Variants in SHOC2 observed in about 807,000 individuals in gnomAD.
The protein encoded by SHOC2 is SHOC2 leucine rich repeat scaffold protein.
SHOC2 carries 4 observed loss-of-function variants against 50.2 expected under a neutral mutation model. The ratio of observed to expected loss-of-function variants is 0.08; its 90% CI spans 0.04 to 0.18. The LOEUF (loss-of-function observed/expected upper bound fraction) is 0.18. SHOC2 is among the 10% of genes least tolerant of loss of function. SHOC2 has a pLI of 1.00. For missense variants in SHOC2, 388 were observed against 669.6 expected (o/e 0.58, Z 4.64); for synonymous variants, 218 against 244.5 (o/e 0.89, Z 1.01).
chr10:110,939,305 A>G (rs1198745112), intron 1 of SHOC2, among the ~76,000 whole-genome samples: 1 of 151,972 alleles, frequency 6.6e-6, no homozygotes, highest in Non-Finnish European at 1.5e-5. Context: ...TGTAGCTCCT[A>G]TCTCTTGGGT....
chr10:111,004,065 G>A (rs1051180699), intron 4 of SHOC2, among the ~76,000 whole-genome samples: 34 of 152,018 alleles, frequency 2.2e-4, no homozygotes, highest in African/African-American at 7.0e-4. Flanking sequence ...ATAGAAAAGC[G>A]GTGTATTATA....
chr10:111,003,418 GT>G (rs2134172490), intron 4 of SHOC2, among the ~76,000 whole-genome samples: 1 of 152,152 alleles, frequency 6.6e-6, no homozygotes, highest in Non-Finnish European at 1.5e-5. Flanking sequence ...TATTTTTCCA[GT>G]TATTCCAGTT....
intron 2 of SHOC2, among the ~76,000 whole-genome samples, chr10:110,983,280 T>C (rs1006342740): frequency 6.6e-6 from 1 of 152,116 alleles, no homozygotes; most frequent in African/African-American, 2.4e-5. Flanking sequence ...CAAAAAACTA[T>C]CTTATATTTA....
rs148667046 is a variant in SHOC2, at chr10:110,954,420, A to T, written c.-234-9705A>T. Reference sequence around the variant, plus strand: ...TAAATGTTTATGTTAGCATCAAAATAAAGGGGTAGTATCAGCTAGCTTCTT... The same window carrying T: ...TAAATGTTTATGTTAGCATCAAAATTAAGGGGTAGTATCAGCTAGCTTCTT... On this transcript the variant is annotated intron_variant, in intron 1 of 8. Transcript: ENST00000369452. Among the ~76,000 whole-genome samples the T allele has an allele frequency of 5.1e-3, 776 of 152,278 alleles. 8 individuals carry two copies. Among genetic ancestry groups the T allele is most frequent in the African/African-American group, 0.018 (743 of 41,562 alleles).
intron 3 of SHOC2, among the ~76,000 whole-genome samples, chr10:110,986,392 A>G (rs796138269): frequency 7.9e-5 from 12 of 152,336 alleles, no homozygotes; most frequent in African/African-American, 2.6e-4. Flanking sequence ...TGGTATAAGG[A>G]TACTATAATG....
chr10:110,936,637 G>T (rs757767438), intron 1 of SHOC2: 19 of 716,904 alleles, frequency 2.7e-5, no homozygotes, highest in South Asian at 1.4e-4. Flanking sequence ...CCAGGAGTCC[G>T]TGGGTCTTGA....
chr10:110,919,696 C>T (rs1003969879), intron 1 of SHOC2, 39 bp downstream of exon 1: 33 of 397,770 alleles, frequency 8.3e-5, no homozygotes, highest in African/African-American at 1.0e-4. Context: ...GTCTGTTGGT[C>T]GGTTCTTCCT....
chr10:110,999,056 G>A (rs1848319045), intron 3 of SHOC2, among the ~76,000 whole-genome samples: 1 of 152,196 alleles, frequency 6.6e-6, no homozygotes, highest in Non-Finnish European at 1.5e-5. Flanking sequence ...GACATCAAGA[G>A]GTTGTGAAGG....
chr10:110,953,633 G>C (rs1436596974), intron 1 of SHOC2, among the ~76,000 whole-genome samples: 1 of 151,572 alleles, frequency 6.6e-6, no homozygotes, highest in Non-Finnish European at 1.5e-5. Flanking sequence ...CATCTCATTG[G>C]GTAATACCAA....
intron 1 of SHOC2, among the ~76,000 whole-genome samples, chr10:110,956,344 C>T (rs1355310013): frequency 6.6e-6 from 1 of 152,152 alleles, no homozygotes; most frequent in African/African-American, 2.4e-5. Flanking sequence ...TCCCAAGTAG[C>T]TGGGATTACA....
intron 1 of SHOC2, 93 bp downstream of exon 1, chr10:110,919,750 G>A: frequency 2.5e-6 from 1 of 396,380 alleles, no homozygotes; most frequent in South Asian, 1.3e-4. Flanking sequence ...GCTGTCGGTA[G>A]GGGGAGGCCC....
intron 8 of SHOC2, among the ~76,000 whole-genome samples, chr10:111,010,949 A>G (rs1206896637): frequency 2.0e-5 from 3 of 152,206 alleles, no homozygotes; most frequent in Non-Finnish European, 1.5e-5. Flanking sequence ...AAATTTAAAA[A>G]TTGGAAACAC....
intron 8 of SHOC2, among the ~76,000 whole-genome samples, 195 bp downstream of exon 8, chr10:111,010,025 T>C (rs151289253): frequency 6.6e-6 from 1 of 152,278 alleles, no homozygotes; most frequent in African/African-American, 2.4e-5. Flanking sequence ...GCTGTTAGGA[T>C]TGGTTTTAAA....
In SHOC2 at chr10:110,925,070, CAA is replaced by C. The variant is rs763203844; in HGVS notation, c.-235+5434_-235+5435del. 1.0e-3 allele frequency among the ~76,000 whole-genome samples: 85 copies of C among 82,472 alleles called. 1 individual carries two copies. In the South Asian group the frequency reaches 0.011, roughly 10 times the overall value. The allele number at this position is 82,472 out of a possible 152,430, so 54.1% of individuals were successfully genotyped here. ...TAGGCGACAGAGTGAGACTCTGTCT[CAA>C]AAAAAAAAAAAAAAAAAAAATTAAA... On this transcript the variant is annotated intron_variant, in intron 1 of 8. Coordinates refer to ENST00000369452, the MANE Select transcript of SHOC2 (RefSeq NM_007373.4).
In SHOC2 at chr10:111,009,715, A is replaced by G. The variant is rs1483409374; in HGVS notation, c.1425A>G (p.Lys475=). The change falls in exon 8 of 9, where the codon AAA becomes AAG. Residue 475 remains lysine, a splice_region_variant and synonymous_variant. Coordinates refer to ENST00000369452, the MANE Select transcript of SHOC2 (RefSeq NM_007373.4). ...NEIAYLKDLQ[K]LVLTNNQLTT... ...CTTTTATTTTGTAAATCTTTTAGAA[A>G]TTAGTCTTGACAAACAACCAGTTGA... is the stretch of plus-strand genomic sequence containing the variant. The G allele has an allele frequency of 1.1e-5, 17 of 1,575,806 alleles. No individual in the cohort carries two copies. Among genetic ancestry groups the G allele is most frequent in the African/African-American group, 2.7e-5 (2 of 74,232 alleles).
chr10:110,965,005 A>T lies in SHOC2; in HGVS notation c.647A>T (p.Lys216Ile). The T allele has an allele frequency of 6.2e-7, 1 of 1,613,916 alleles. No homozygotes were observed. The highest frequency in any genetic ancestry group is 8.5e-7 in the Non-Finnish European group (1 of 1,179,902). Residue 216 changes from lysine to isoleucine, a missense_variant, in exon 2 of 9, where the codon AAA becomes ATA. Lys to Ile is a moderately radical substitution (Grantham distance 102). Coordinates refer to ENST00000369452, the MANE Select transcript of SHOC2 (RefSeq NM_007373.4). ...GAAAAGGACATCAAAAACTTGTCAA[A>T]ACTCAGCATGCTTAGCATTCGAGAG... Reference protein sequence around the residue: ...TVEKDIKNLSKLSMLSIRENK... With the variant: ...TVEKDIKNLSILSMLSIRENK...
chr10:111,006,468 T>G (rs926429841), intron 5 of SHOC2, among the ~76,000 whole-genome samples: 1 of 151,852 alleles, frequency 6.6e-6, no homozygotes, highest in Non-Finnish European at 1.5e-5. Flanking sequence ...CCTCCCGGGT[T>G]CACGCCATTC....
intron 1 of SHOC2, among the ~76,000 whole-genome samples, chr10:110,956,884 A>G (rs753109874): frequency 9.2e-5 from 14 of 152,082 alleles, no homozygotes; most frequent in Non-Finnish European, 1.9e-4. Context: ...ATATCTCGTA[A>G]GTAGCTTCTT....
chr10:110,944,940 T>C (rs1028409403), intron 1 of SHOC2, among the ~76,000 whole-genome samples: 4 of 152,242 alleles, frequency 2.6e-5, no homozygotes, highest in African/African-American at 9.6e-5. Flanking sequence ...CTTGTCCTTA[T>C]GTCCTGCTTG....
Sources: gnomAD v4.1 joint callset for allele counts (sites outside exome capture counted in the v4.1 genomes callset) on GRCh38, gnomAD v4.1.1 for gene constraint, MANE v1.5 for transcripts, NCBI Gene and HGNC (gene_info 2026-07-23, HGNC 2026-07-21) for gene names.